Variants in CTDSPL2 observed in about 807,000 individuals in gnomAD.
CTDSPL2 encodes CTD small phosphatase like 2, also known as CTD small phosphatase-like protein 2.
In CTDSPL2, 5 loss-of-function variants were observed where a neutral mutation model predicts 60.0. The observed-to-expected ratio is 0.08, with a 90% CI of 0.04 to 0.18. The LOEUF (loss-of-function observed/expected upper bound fraction) is 0.18, where lower values mean the gene tolerates loss of function less well. CTDSPL2 is among the 10% of genes least tolerant of loss of function. The pLI, the probability that CTDSPL2 is intolerant of heterozygous loss-of-function variation, is 1.00. For missense variants in CTDSPL2, 370 were observed against 548.8 expected (o/e 0.67, Z 3.26); for synonymous variants, 186 against 189.3 (o/e 0.98, Z 0.14).
chr15:44,486,611 A>G lies in CTDSPL2; in HGVS notation c.386A>G (p.Asn129Ser). Residue 129 changes from asparagine to serine, a missense_variant, in exon 4 of 13, where the codon AAT becomes AGT. Physicochemically the swap from Asn to Ser is conservative, Grantham distance 46. Around this residue, in one of 6 missense-constraint regions of CTDSPL2, gnomAD observed 287 missense variants for 296.1 expected, o/e 0.97. Transcript: ENST00000260327. Reference sequence around the variant, plus strand: ...AAACAAAATGGAAAATTAGAAGATAATCCTTCCTCTGGCAGTCCTCCAAGG... The same window carrying G: ...AAACAAAATGGAAAATTAGAAGATAGTCCTTCCTCTGGCAGTCCTCCAAGG... The part of the protein sequence containing the change: ...HVKQNGKLED[N>S]PSSGSPPRTT... The G allele has an allele frequency of 6.3e-7, 1 of 1,594,550 alleles. No homozygotes were observed. Among genetic ancestry groups the G allele is most frequent in the East Asian group, 2.2e-5 (1 of 44,560 alleles).
chr15:44,440,803 A>G (rs2080069722), intron 1 of CTDSPL2, among the ~76,000 whole-genome samples: 2 of 152,106 alleles, frequency 1.3e-5, no homozygotes, highest in Non-Finnish European at 2.9e-5. Flanking sequence ...AGTAAATAAT[A>G]TTTATACCTG....
At chr15:44,516,472 A>T (rs1038221421) in intron 10 of CTDSPL2, among the ~76,000 whole-genome samples, 1 of 152,242 alleles carries the variant, frequency 6.6e-6, no homozygotes, top group African/African-American at 2.4e-5. Flanking sequence ...AAGGGTCAAA[A>T]TAAGTAAGCT....
intron 12 of CTDSPL2, among the ~76,000 whole-genome samples, 160 bp from the exon 13 acceptor site, chr15:44,523,949 C>CT (rs540196191): frequency 5.7e-4 from 87 of 152,248 alleles, no homozygotes; most frequent in African/African-American, 2.1e-3. Context: ...TTTTCAAAAT[C>CT]TTAAATTTAA....
At chr15:44,454,317 CA>C (rs2080390750) in intron 1 of CTDSPL2, among the ~76,000 whole-genome samples, 1 of 151,916 alleles carries the variant, frequency 6.6e-6, no homozygotes, top group African/African-American at 2.4e-5. Context: ...TTGTAGATTC[CA>C]GATATTAGCC....
chr15:44,497,003 A>C (rs758743369), intron 6 of CTDSPL2, 24 bp from the exon 7 acceptor site: 2 of 1,420,058 alleles, frequency 1.4e-6, no homozygotes, highest in Non-Finnish European at 2.0e-6. Context: ...AAATGTTGAA[A>C]TTTTCTTAAA....
At chr15:44,480,191 T>G (rs932086619) in intron 2 of CTDSPL2, among the ~76,000 whole-genome samples, 20 of 152,166 alleles carry the variant, frequency 1.3e-4, no homozygotes, top group African/African-American at 4.8e-4. Context: ...ATAGACCCCC[T>G]ATGCTATTGG....
chr15:44,511,867 CAAAAAAAAAAA>C (rs68063380), intron 8 of CTDSPL2, among the ~76,000 whole-genome samples: 2 of 30,612 alleles, frequency 6.5e-5, no homozygotes, highest in Admixed American at 4.6e-4. Flanking sequence ...GACGGTCTCG[CAAAAAAAAAAA>C]AAAAAAAAAA....
At chr15:44,497,633 G>T (rs561022644) in intron 7 of CTDSPL2, among the ~76,000 whole-genome samples, 3 of 152,246 alleles carry the variant, frequency 2.0e-5, no homozygotes, top group African/African-American at 7.2e-5. Context: ...GCCTCCCAAA[G>T]TGTTGGAATT....
chr15:44,440,901 G>T (rs2080072235), intron 1 of CTDSPL2, among the ~76,000 whole-genome samples: 1 of 152,052 alleles, frequency 6.6e-6, no homozygotes, highest in Admixed American at 6.6e-5. Context: ...TGTTGCAGAG[G>T]GTACCTTAAG....
rs1197623739 is a variant in CTDSPL2 at position 44,471,199 on chromosome 15, C to G, written c.186+11999C>G. On this transcript the variant is annotated intron_variant, in intron 2 of 12. Coordinates refer to ENST00000260327, the MANE Select transcript of CTDSPL2 (RefSeq NM_016396.3). ...AGTTGATTCCTTCCCCTCCCCTCCC[C>G]GAGTAGTATTCCTGTGTGTGAGTCT... Among the ~76,000 whole-genome samples, 4 of 152,146 alleles carry G rather than the reference C, an allele frequency of 2.6e-5. No individual in the cohort carries two copies. In the East Asian group the frequency reaches 7.7e-4, roughly 29 times the overall value.
Position 44,509,312 on chromosome 15 carries a change from C to G in CTDSPL2, c.970-5286C>G, listed in dbSNP as rs992427966. The stretch of plus-strand genomic sequence containing the variant: ...CACCTTCGCTGTTCCAGTGATTCTC[C>G]TGCTTCAGCCTTTCAAGTAGCTGGG... On this transcript the variant is annotated intron_variant, in intron 8 of 12. Coordinates refer to ENST00000260327, the MANE Select transcript of CTDSPL2 (RefSeq NM_016396.3). 1.1e-3 allele frequency among the ~76,000 whole-genome samples: 169 copies of G among 152,222 alleles called. 1 individual carries two copies. The highest frequency in any genetic ancestry group is 3.9e-3 in the African/African-American group (162 of 41,524).
At chr15:44,502,914 A>G (rs2081403336) in intron 8 of CTDSPL2, among the ~76,000 whole-genome samples, 1 of 152,174 alleles carries the variant, frequency 6.6e-6, no homozygotes, top group South Asian at 2.1e-4. Flanking sequence ...TTTGGTTGAT[A>G]TGTAGGAATA....
chr15:44,468,083 C>A (rs2080732780), intron 2 of CTDSPL2, among the ~76,000 whole-genome samples: 1 of 151,942 alleles, frequency 6.6e-6, no homozygotes, highest in African/African-American at 2.4e-5. Context: ...GAGGACTGTT[C>A]CTCCTCTTCT....
chr15:44,444,346 CAG>C (rs925312828), intron 1 of CTDSPL2, among the ~76,000 whole-genome samples: 1 of 150,570 alleles, frequency 6.6e-6, no homozygotes, highest in African/African-American at 2.4e-5. Flanking sequence ...CACACAGACA[CAG>C]AGACACATTT....
chr15:44,440,826 C>G (rs1439443227), intron 1 of CTDSPL2, among the ~76,000 whole-genome samples: 1 of 152,100 alleles, frequency 6.6e-6, no homozygotes, highest in Middle Eastern at 3.4e-3. Flanking sequence ...ACATTGCATT[C>G]GTGGACTTTT....
intron 2 of CTDSPL2, among the ~76,000 whole-genome samples, chr15:44,481,803 C>T (rs530868653): frequency 1.3e-5 from 2 of 152,308 alleles, no homozygotes; most frequent in Admixed American, 1.3e-4. Flanking sequence ...GAACTCCCAA[C>T]CTCAGGTGAT....
intron 2 of CTDSPL2, among the ~76,000 whole-genome samples, chr15:44,461,139 A>G (rs749138754): frequency 1.3e-5 from 2 of 152,174 alleles, no homozygotes; most frequent in African/African-American, 4.8e-5. Context: ...TTTATCTGTT[A>G]TTCATGAAAG....
At chr15:44,491,841 G>C (rs2081219190) in intron 5 of CTDSPL2, among the ~76,000 whole-genome samples, 1 of 152,120 alleles carries the variant, frequency 6.6e-6, no homozygotes, top group Admixed American at 6.6e-5. Context: ...GAGGTCAAGA[G>C]TTTGAGACCA....
At chr15:44,463,818 T>C (rs1410440519) in intron 2 of CTDSPL2, among the ~76,000 whole-genome samples, 1 of 152,194 alleles carries the variant, frequency 6.6e-6, no homozygotes, top group Non-Finnish European at 1.5e-5. Flanking sequence ...GTCATTGTCT[T>C]TTTCAAAATT....
Sources: allele counts gnomAD v4.1 joint callset (sites outside exome capture counted in the v4.1 genomes callset), GRCh38; gene constraint gnomAD v4.1.1; regional missense constraint gnomAD v4.1.1; transcripts MANE v1.5; gene names NCBI Gene and HGNC (gene_info 2026-07-23, HGNC 2026-07-21).